Variants in PTPRK observed in about 807,000 individuals in gnomAD.
PTPRK encodes the protein receptor-type tyrosine-protein phosphatase kappa.
Under a neutral mutation model 178.0 loss-of-function variants are expected in PTPRK, and 75 were observed. The ratio of observed to expected loss-of-function variants is 0.42; its 90% confidence interval spans 0.35 to 0.51. PTPRK has a LOEUF of 0.51. Among genes scored for constraint, PTPRK ranks in the 20% least tolerant of loss-of-function variants. The pLI is 0.02. For missense variants in PTPRK, 1,441 were observed against 1,797.8 expected (o/e 0.80, Z 3.59); for synonymous variants, 637 against 620.6 (o/e 1.03, Z -0.39).
chr6:128,321,859 T>A, intron 3 of PTPRK, 180 bp downstream of exon 3: 2 of 812,070 alleles, frequency 2.5e-6, no homozygotes, highest in Non-Finnish European at 4.1e-6. Flanking sequence ...AGAGGGGCAA[T>A]CTCTCATTAC....
At chr6:128,280,882 T>C (rs781447423) in intron 3 of PTPRK, among the ~76,000 whole-genome samples, 1 of 152,194 alleles carries the variant, frequency 6.6e-6, no homozygotes, top group Non-Finnish European at 1.5e-5. Context: ...CTTCGAATAT[T>C]TTTAAAGTCT....
chr6:127,975,642 T>C (rs1774464967), intron 27 of PTPRK, among the ~76,000 whole-genome samples: 1 of 152,214 alleles, frequency 6.6e-6, no homozygotes, highest in Non-Finnish European at 1.5e-5. Flanking sequence ...CCAATTCTGC[T>C]TGTTATTTGG....
chr6:128,050,248 C>A (rs1465215760), intron 13 of PTPRK, among the ~76,000 whole-genome samples: 1 of 152,164 alleles, frequency 6.6e-6, no homozygotes, highest in Non-Finnish European at 1.5e-5. Context: ...GCACAATGAT[C>A]CTGTCTCATT....
intron 7 of PTPRK, among the ~76,000 whole-genome samples, chr6:128,164,643 T>A (rs990965036): frequency 1.3e-5 from 2 of 151,316 alleles, no homozygotes; most frequent in African/African-American, 4.8e-5. Flanking sequence ...TTTTCAATCT[T>A]TAGCTGGCAT....
chr6:128,428,899 G>A (rs781235643), intron 1 of PTPRK, among the ~76,000 whole-genome samples: 22 of 152,198 alleles, frequency 1.4e-4, no homozygotes, highest in Non-Finnish European at 2.9e-4. Flanking sequence ...TAGGCCTTGT[G>A]TCAGATGACT....
At position 128,464,638 on chromosome 6, in the gene PTPRK, C is replaced by CATATATATATATATAT. The variant is rs10665667; in HGVS notation, c.100+55605_100+55620dup. On this transcript the variant is annotated intron_variant, in intron 1 of 29. Transcript: ENST00000368226. ...ACATATACATATATATATATATACA[C>CATATATATATATATAT]ATATATATATATATATATATATATA... is the stretch of plus-strand genomic sequence containing the variant. 6.1e-3 allele frequency among the ~76,000 whole-genome samples: 295 copies of CATATATATATATATAT among 48,484 alleles called. 15 individuals carry two copies. The highest frequency in any genetic ancestry group is 7.4e-3 in the East Asian group (9 of 1,216). The allele number at this position is 48,484 out of a possible 152,430, so 31.8% of individuals were successfully genotyped here. A position where few individuals can be genotyped will look rare whatever the true frequency, so the allele number is the denominator to read the frequency against.
At chr6:128,179,983 G>A (rs895033854) in intron 7 of PTPRK, among the ~76,000 whole-genome samples, 1 of 151,966 alleles carries the variant, frequency 6.6e-6, no homozygotes, top group African/African-American at 2.4e-5. Flanking sequence ...ATTGCCAAGA[G>A]CATTGAACTT....
chr6:128,237,456 C>T (rs1350332615), intron 5 of PTPRK, among the ~76,000 whole-genome samples: 1 of 152,062 alleles, frequency 6.6e-6, no homozygotes, highest in African/African-American at 2.4e-5. Context: ...ACCATTTTTC[C>T]CCATGCAAAA....
chr6:128,398,891 T>C (rs1840681425), intron 1 of PTPRK, among the ~76,000 whole-genome samples: 1 of 152,190 alleles, frequency 6.6e-6, no homozygotes, highest in South Asian at 2.1e-4. Context: ...GTAATTGTAT[T>C]GCAAAAGTAG....
chr6:128,483,692 C>G (rs1852411093), intron 1 of PTPRK, among the ~76,000 whole-genome samples: 1 of 152,122 alleles, frequency 6.6e-6, no homozygotes, highest in African/African-American at 2.4e-5. Context: ...CCAATCACAG[C>G]TATCCCTTGA....
chr6:128,215,030 T>G (rs1305281872), intron 6 of PTPRK, among the ~76,000 whole-genome samples: 5 of 152,160 alleles, frequency 3.3e-5, no homozygotes, highest in Non-Finnish European at 5.9e-5. Flanking sequence ...TAATGACTAG[T>G]AATTGACACT....
intron 18 of PTPRK, chr6:127,995,126 T>A: frequency 1.0e-6 from 1 of 965,344 alleles, no homozygotes; most frequent in Admixed American, 2.1e-5. Context: ...AGATATATTG[T>A]ATGAAGCTAA....
intron 13 of PTPRK, among the ~76,000 whole-genome samples, chr6:128,055,813 G>A (rs970275311): frequency 6.6e-6 from 1 of 151,916 alleles, no homozygotes; most frequent in East Asian, 1.9e-4. Flanking sequence ...TGTTGCACAG[G>A]TTGATCTCAA....
chr6:128,083,673 CT>C, intron 9 of PTPRK, 41 bp downstream of exon 9: 1 of 1,278,942 alleles, frequency 7.8e-7, no homozygotes, highest in South Asian at 1.4e-5. Flanking sequence ...CCTTTTAGTC[CT>C]TCAATCCACA....
intron 1 of PTPRK, among the ~76,000 whole-genome samples, chr6:128,424,810 T>C (rs911079286): frequency 1.3e-5 from 2 of 152,192 alleles, no homozygotes; most frequent in Non-Finnish European, 2.9e-5. Flanking sequence ...ATGCTGTCAC[T>C]AATGCTAAAA....
At chr6:128,397,191 G>C (rs7743537) in intron 2 of PTPRK, among the ~76,000 whole-genome samples, 118,491 of 152,108 alleles carry the variant, frequency 0.78, 47,019 homozygotes, top group East Asian at 0.99. Flanking sequence ...CAGTCTGATT[G>C]GATCCAACAT....
chr6:128,297,831 C>T (rs1171123641), intron 3 of PTPRK, among the ~76,000 whole-genome samples: 1 of 152,050 alleles, frequency 6.6e-6, no homozygotes, highest in African/African-American at 2.4e-5. Flanking sequence ...GAAGCAAGAG[C>T]AAACACATTC....
At chr6:127,992,250 G>A (rs1220050981) in intron 19 of PTPRK, among the ~76,000 whole-genome samples, 4 of 151,606 alleles carry the variant, frequency 2.6e-5, no homozygotes, top group Non-Finnish European at 4.4e-5. Flanking sequence ...GTCTTGACTC[G>A]TCAAAAAATT....
intron 13 of PTPRK, among the ~76,000 whole-genome samples, chr6:128,033,948 TC>T (rs1224082766): frequency 1.3e-5 from 2 of 152,012 alleles, no homozygotes; most frequent in Non-Finnish European, 2.9e-5. Flanking sequence ...TTGATTAGAG[TC>T]CTCTGAGTGC....
Sources: gnomAD v4.1 joint callset for allele counts (sites outside exome capture counted in the v4.1 genomes callset) on GRCh38, gnomAD v4.1.1 for gene constraint, MANE v1.5 for transcripts, NCBI Gene and HGNC (gene_info 2026-07-23, HGNC 2026-07-21) for gene names.